Variants in CHODL observed in about 807,000 individuals in gnomAD.
CHODL encodes the protein chondrolectin.
CHODL carries 29 observed loss-of-function variants against 34.5 expected under a neutral mutation model. That is an observed-to-expected ratio of 0.84 (90% CI 0.63 to 1.15). CHODL has a LOEUF of 1.15. Among genes scored for constraint, CHODL ranks in the 50% most tolerant of loss-of-function variants. The probability of loss-of-function intolerance (pLI) is 0.00; values close to 1 mark genes in which losing one functional copy is unlikely to be tolerated. For synonymous variants in CHODL, 125 were observed against 116.1 expected, an observed-to-expected ratio of 1.08 and a Z score of -0.49; for missense variants, 332 against 332.5, an observed-to-expected ratio of 1.00 and a Z score of 0.01.
chr21:18,176,616 G>T (rs897886671), intron 2 of CHODL, among the ~76,000 whole-genome samples: 2 of 152,054 alleles, frequency 1.3e-5, no homozygotes, highest in Admixed American at 6.5e-5. Flanking sequence ...GCTATCTATT[G>T]TCCTTGAGTT....
Position 18,207,497 on chromosome 21 carries a change from C to T in CHODL, c.-44-49012C>T, listed in dbSNP as rs182059506. On this transcript the variant is annotated intron_variant, in intron 2 of 6. Coordinates refer to the CHODL transcript ENST00000400127. ...TAAGATATGATTAGTTTACATATAA[C>T]AATTACAGTGCTATAATATTCTGTG... is the stretch of plus-strand genomic sequence containing the variant. Among the ~76,000 whole-genome samples, 45 of 152,208 alleles carry T rather than the reference C, an allele frequency of 3.0e-4. 1 individual carries two copies. Among genetic ancestry groups the T allele is most frequent in the African/African-American group, 1.1e-3 (44 of 41,524 alleles).
intron 2 of CHODL, among the ~76,000 whole-genome samples, chr21:18,199,261 G>A (rs751398893): frequency 3.3e-5 from 5 of 152,040 alleles, no homozygotes; most frequent in Non-Finnish European, 5.9e-5. Context: ...GGGCGGTATC[G>A]TTTCAATCAA....
At chr21:18,106,206 C>T (rs1270989505) in intron 2 of CHODL, among the ~76,000 whole-genome samples, 3 of 152,204 alleles carry the variant, frequency 2.0e-5, no homozygotes, top group Non-Finnish European at 4.4e-5. Context: ...GGAAGTCTGA[C>T]TTGGTTTAAC....
At chr21:18,203,742 G>T (rs371816613) in intron 2 of CHODL, among the ~76,000 whole-genome samples, 2 of 152,098 alleles carry the variant, frequency 1.3e-5, no homozygotes, top group African/African-American at 2.4e-5. Context: ...ATATTAATGT[G>T]CTTCTGATCA....
chr21:18,057,860 G>T (rs2064603822), intron 2 of CHODL, among the ~76,000 whole-genome samples: 1 of 151,318 alleles, frequency 6.6e-6, no homozygotes, highest in African/African-American at 2.4e-5. Flanking sequence ...TATAATAATT[G>T]TACATATTCA....
intron 1 of CHODL, among the ~76,000 whole-genome samples, chr21:17,992,457 C>T (rs2063804855): frequency 6.6e-6 from 1 of 151,982 alleles, no homozygotes; most frequent in Non-Finnish European, 1.5e-5. Flanking sequence ...GGTGTCTTTC[C>T]ATTTGTTTGT....
At chr21:17,993,311 C>T (rs1305630981) in intron 1 of CHODL, among the ~76,000 whole-genome samples, 2 of 152,152 alleles carry the variant, frequency 1.3e-5, no homozygotes, top group East Asian at 1.9e-4. Context: ...ATTATTTCAT[C>T]ACCCAGGCAT....
chr21:17,931,456 G>A (rs1325817360), intron 1 of CHODL, among the ~76,000 whole-genome samples: 1 of 152,216 alleles, frequency 6.6e-6, no homozygotes, highest in African/African-American at 2.4e-5. Flanking sequence ...TTCTCCAGAT[G>A]AGAAGAAACC....
At chr21:18,095,160 G>T (rs369427356) in intron 2 of CHODL, among the ~76,000 whole-genome samples, 1 of 151,398 alleles carries the variant, frequency 6.6e-6, no homozygotes, top group African/African-American at 2.4e-5. Flanking sequence ...TAATAAAAGA[G>T]CATAAATAAA....
intron 2 of CHODL, among the ~76,000 whole-genome samples, chr21:18,046,585 A>G (rs1244789618): frequency 6.6e-6 from 1 of 151,962 alleles, no homozygotes; most frequent in African/African-American, 2.4e-5. Flanking sequence ...TAGTAGAGGA[A>G]CAGGTACCCA....
Position 18,066,709 on chromosome 21 carries a change from C to T in CHODL, c.-45+38738C>T, listed in dbSNP as rs147294656. Among the ~76,000 whole-genome samples, 743 of 152,182 alleles carry T rather than the reference C, an allele frequency of 4.9e-3. 1 individual carries two copies. The highest frequency in any genetic ancestry group is 0.016 in the African/African-American group (660 of 41,512). On this transcript the variant is annotated intron_variant, in intron 2 of 6. Coordinates refer to the CHODL transcript ENST00000400127. Reference sequence around the variant, plus strand: ...TGGAAATCCTAATCCTTAGTACCTCCGAATGTGACTTTATTTAGAGATAGG... The same window carrying T: ...TGGAAATCCTAATCCTTAGTACCTCTGAATGTGACTTTATTTAGAGATAGG...
chr21:17,984,579 C>G (rs1269008261), intron 1 of CHODL, among the ~76,000 whole-genome samples: 1 of 151,704 alleles, frequency 6.6e-6, no homozygotes, highest in Non-Finnish European at 1.5e-5. Context: ...AAAATACTTT[C>G]TAGTTTGGTG....
At chr21:18,221,243 C>T (rs563910635) in intron 2 of CHODL, among the ~76,000 whole-genome samples, 2 of 151,806 alleles carry the variant, frequency 1.3e-5, no homozygotes, top group East Asian at 3.9e-4. Context: ...ATGTTTGGTC[C>T]CTTTTTATAT....
chr21:18,185,692 A>G (rs924810728), intron 2 of CHODL, among the ~76,000 whole-genome samples: 1 of 152,178 alleles, frequency 6.6e-6, no homozygotes, highest in African/African-American at 2.4e-5. Context: ...GTAATAAAAT[A>G]TCACAGACTG....
At chr21:18,167,916 G>T (rs577521642) in intron 2 of CHODL, among the ~76,000 whole-genome samples, 2 of 152,308 alleles carry the variant, frequency 1.3e-5, no homozygotes, top group East Asian at 3.9e-4. Flanking sequence ...GGGAGAGGCA[G>T]ACTCACCCTC....
chr21:18,148,890 A>G (rs1411035895), intron 2 of CHODL, among the ~76,000 whole-genome samples: 1 of 152,046 alleles, frequency 6.6e-6, no homozygotes, highest in East Asian at 1.9e-4. Context: ...CTGTCAAAAA[A>G]AAAAAAAAAG....
At chr21:17,949,379 T>G (rs773092757) in intron 1 of CHODL, among the ~76,000 whole-genome samples, 1 of 152,200 alleles carries the variant, frequency 6.6e-6, no homozygotes, top group Non-Finnish European at 1.5e-5. Flanking sequence ...TAAATGTGTA[T>G]TTGAAGAAAG....
chr21:18,141,929 G>A (rs2072808727), intron 2 of CHODL, among the ~76,000 whole-genome samples: 1 of 152,032 alleles, frequency 6.6e-6, no homozygotes, highest in Admixed American at 6.6e-5. Flanking sequence ...GAACTGACCG[G>A]TGCTTCACTT....
At chr21:18,233,942 T>C (rs541711666) in intron 2 of CHODL, among the ~76,000 whole-genome samples, 1 of 152,282 alleles carries the variant, frequency 6.6e-6, no homozygotes, top group East Asian at 1.9e-4. Flanking sequence ...TTTTAATTTT[T>C]TGATGACATA....
Sources: gnomAD v4.1 joint callset for allele counts (sites outside exome capture counted in the v4.1 genomes callset) on GRCh38, gnomAD v4.1.1 for gene constraint, MANE v1.5 for transcripts, NCBI Gene and HGNC (gene_info 2026-07-23, HGNC 2026-07-21) for gene names.